The following MEDAG variants were observed in gnomAD, a reference collection of about 807,000 sequenced individuals.
MEDAG encodes the protein mesenteric estrogen-dependent adipogenesis protein.
A neutral mutation model predicts 29.9 loss-of-function variants in MEDAG; 25 were observed. The ratio of observed to expected loss-of-function variants is 0.84; its 90% CI spans 0.61 to 1.17. The LOEUF is 1.17. Among genes scored for constraint, MEDAG ranks in the 50% most tolerant of loss-of-function variants. The probability of loss-of-function intolerance (pLI) is 0.00; values close to 1 mark genes in which losing one functional copy is unlikely to be tolerated. For missense variants in MEDAG, 398 were observed against 372.9 expected (o/e 1.07, Z -0.56); for synonymous variants, 158 against 148.2 (o/e 1.07, Z -0.48).
At chr13:30,911,380 C>G (rs1220258538) in intron 1 of MEDAG, among the ~76,000 whole-genome samples, 3 of 152,142 alleles carry the variant, frequency 2.0e-5, no homozygotes, top group Non-Finnish European at 4.4e-5. Context: ...CAGAGCCAGG[C>G]TCTGGACTTG....
In MEDAG at chr13:30,921,617, T is replaced by C. The variant is rs756895959; in HGVS notation, c.558T>C (p.Asn186=). ...NFFPPGNEVV[N]GENLSFAYEF... ...TCCCCCCAGGAAATGAAGTGGTTAA[T>C]GGAGAAAATTTAAGCTTTGCATATG... The change falls in exon 4 of 5, where the codon AAT becomes AAC. Residue 186 remains asparagine, a synonymous_variant. Coordinates refer to ENST00000380482, the MANE Select transcript of MEDAG (RefSeq NM_032849.4). 1.9e-6 allele frequency: 3 copies of C among 1,613,084 alleles called. No individual in the cohort carries two copies. Among genetic ancestry groups the C allele is most frequent in the Admixed American group, 1.7e-5 (1 of 59,838 alleles).
intron 1 of MEDAG, chr13:30,916,043 G>A (rs1344400270): frequency 6.6e-6 from 1 of 152,188 alleles, no homozygotes; most frequent in Non-Finnish European, 1.5e-5. Context: ...AAGACAGGAA[G>A]CATTTTAGAG....
Position 30,925,414 on chromosome 13 carries a change from T to C in MEDAG, c.*979T>C, listed in dbSNP as rs1054446889. 1 of 152,240 alleles carries C rather than the reference T, an allele frequency of 6.6e-6. No individual in the cohort carries two copies. The highest frequency in any genetic ancestry group is 1.5e-5 in the Non-Finnish European group (1 of 68,046). 9.4% of individuals were successfully genotyped at this position (152,240 alleles called of 1,614,324 possible). A position where few individuals can be genotyped will look rare whatever the true frequency, so the allele number is the denominator to read the frequency against. On this transcript the variant is annotated 3_prime_UTR_variant, in exon 5 of 5. Coordinates refer to ENST00000380482, the MANE Select transcript of MEDAG (RefSeq NM_032849.4). ...GAAGAGTTATGGGTCCTGAGTGTAA[T>C]TTTTTATCCTTTCTTAAAAAGTTTC...
chr13:30,908,092 C>T (rs1378895270), intron 1 of MEDAG, among the ~76,000 whole-genome samples: 1 of 152,170 alleles, frequency 6.6e-6, no homozygotes, highest in African/African-American at 2.4e-5. Flanking sequence ...ATGAACGAAG[C>T]CGTAAGTTAG....
At chr13:30,921,992 G>C in intron 4 of MEDAG, 146 bp downstream of exon 4, 1 of 863,144 alleles carries the variant, frequency 1.2e-6, no homozygotes, top group South Asian at 2.1e-5. Flanking sequence ...AAGAAGTGGG[G>C]CATGTTTATT....
intron 1 of MEDAG, among the ~76,000 whole-genome samples, chr13:30,908,509 C>G (rs1952850596): frequency 6.6e-6 from 1 of 152,158 alleles, no homozygotes; most frequent in Non-Finnish European, 1.5e-5. Context: ...ATGGAGACAG[C>G]CTTCCAGGCA....
chr13:30,921,619 G>A lies in MEDAG; in HGVS notation c.560G>A (p.Gly187Glu). Residue 187 changes from glycine to glutamate, a missense_variant, in exon 4 of 5, where the codon GGA becomes GAA. Transcript: ENST00000380482. The stretch of plus-strand genomic sequence containing the variant: ...CCCCCAGGAAATGAAGTGGTTAATG[G>A]AGAAAATTTAAGCTTTGCATATGAA... Reference protein sequence around the residue: ...FFPPGNEVVNGENLSFAYEFK... With the variant: ...FFPPGNEVVNEENLSFAYEFK... 1 of 1,613,046 alleles carries A rather than the reference G, an allele frequency of 6.2e-7. No homozygotes were observed. The highest frequency in any genetic ancestry group is 8.5e-7 in the Non-Finnish European group (1 of 1,179,790).
intron 2 of MEDAG, among the ~76,000 whole-genome samples, chr13:30,918,814 A>T (rs1952954649): frequency 6.6e-6 from 1 of 152,204 alleles, no homozygotes; most frequent in African/African-American, 2.4e-5. Flanking sequence ...TTCTTTCTGC[A>T]GGAGAGGCCA....
chr13:30,915,746 G>T (rs559475224), intron 1 of MEDAG, among the ~76,000 whole-genome samples: 14 of 151,898 alleles, frequency 9.2e-5, no homozygotes, highest in Non-Finnish European at 1.8e-4. Context: ...GGTGAAGGAA[G>T]ACCCATACCA....
intron 1 of MEDAG, 91 bp downstream of exon 1, chr13:30,906,884 C>A (rs1274271785): frequency 7.7e-7 from 1 of 1,291,290 alleles, no homozygotes; most frequent in South Asian, 1.7e-5. Flanking sequence ...GGGCTGTCCT[C>A]GCTGCCTGCG....
intron 1 of MEDAG, among the ~76,000 whole-genome samples, chr13:30,912,249 A>G (rs1952888663): frequency 1.3e-5 from 2 of 152,228 alleles, no homozygotes; most frequent in Non-Finnish European, 2.9e-5. Context: ...TTATTTCAGT[A>G]GAACTAGGGC....
At chr13:30,924,262 T>A (rs747267893) in intron 4 of MEDAG, 49 bp from the exon 5 acceptor site, 4 of 1,548,480 alleles carry the variant, frequency 2.6e-6, no homozygotes, top group Non-Finnish European at 2.6e-6. Flanking sequence ...GTTGGTTTTT[T>A]TTTCTTTCAG....
chr13:30,923,901 G>C (rs1953014446), intron 4 of MEDAG, among the ~76,000 whole-genome samples: 1 of 152,182 alleles, frequency 6.6e-6, no homozygotes, highest in East Asian at 1.9e-4. Context: ...ATGCACTGCA[G>C]GACAGCACAG....
intron 4 of MEDAG, among the ~76,000 whole-genome samples, 169 bp from the exon 5 acceptor site, chr13:30,924,142 A>G (rs1743182076): frequency 6.6e-6 from 1 of 152,224 alleles, no homozygotes; most frequent in Non-Finnish European, 1.5e-5. Context: ...TTGTCCCACT[A>G]ATAAAGAAAA....
intron 3 of MEDAG, 115 bp downstream of exon 3, chr13:30,921,241 A>G (rs1952982500): frequency 2.4e-6 from 2 of 835,968 alleles, no homozygotes. Context: ...TGGCCCTTAG[A>G]AAACAAAGTG....
chr13:30,913,886 A>T (rs1952903200), intron 1 of MEDAG, among the ~76,000 whole-genome samples: 1 of 152,172 alleles, frequency 6.6e-6, no homozygotes, highest in African/African-American at 2.4e-5. Context: ...TACTAAAAAT[A>T]CAAAAATTAG....
rs61947585 is a variant in MEDAG at position 30,924,272 on chromosome 13, G to A, written c.788-39G>A. 18,072 of 1,552,110 alleles carry A rather than the reference G, an allele frequency of 0.012. 118 individuals are homozygous for A. Among genetic ancestry groups the A allele is most frequent in the Non-Finnish European group, 0.014 (16,370 of 1,148,138 alleles). On this transcript the variant is annotated intron_variant, in intron 4 of 4. Transcript: ENST00000380482. ...GCACTGTTGGTTTTTTTTTCTTTCA[G>A]TGATGGTAATAATGCATGCTTTGTT...
At chr13:30,907,611 G>A (rs180724771) in intron 1 of MEDAG, among the ~76,000 whole-genome samples, 1 of 152,342 alleles carries the variant, frequency 6.6e-6, no homozygotes, top group Admixed American at 6.5e-5. Context: ...CATGGCCTCA[G>A]GCCTCCAGAG....
At chr13:30,915,867 T>G (rs1952923246) in intron 1 of MEDAG, among the ~76,000 whole-genome samples, 1 of 151,922 alleles carries the variant, frequency 6.6e-6, no homozygotes, top group Non-Finnish European at 1.5e-5. Context: ...CCTCTACTCC[T>G]GCCATCCTCA....
Sources: allele counts gnomAD v4.1 joint callset (sites outside exome capture counted in the v4.1 genomes callset), GRCh38; gene constraint gnomAD v4.1.1; transcripts MANE v1.5; gene names NCBI Gene and HGNC (gene_info 2026-07-23, HGNC 2026-07-21).